TPX2: variants seen among roughly 807,000 people sequenced by gnomAD.
TPX2 encodes targeting protein for Xklp2.
In TPX2, 21 loss-of-function variants were observed where a neutral mutation model predicts 93.6. That is an observed-to-expected ratio of 0.22 (90% CI 0.16 to 0.32). TPX2 has a LOEUF of 0.32. Among genes scored for constraint, TPX2 ranks in the 10% least tolerant of loss-of-function variants. The probability of loss-of-function intolerance (pLI) is 1.00; values close to 1 mark genes in which losing one functional copy is unlikely to be tolerated. For synonymous variants in TPX2, 281 were observed against 298.3 expected, an observed-to-expected ratio of 0.94 and a Z score of 0.60; for missense variants, 776 against 871.1, an observed-to-expected ratio of 0.89 and a Z score of 1.37.
chr20:31,798,653 C>A, intron 17 of TPX2, 101 bp downstream of exon 17: 1 of 1,379,164 alleles, frequency 7.3e-7, no homozygotes, highest in Non-Finnish European at 9.6e-7. Context: ...GCCCGCAAGG[C>A]TGTACCAAAG....
At chr20:31,777,783 T>TG in intron 9 of TPX2, 145 bp downstream of exon 9, 1 of 850,128 alleles carries the variant, frequency 1.2e-6, no homozygotes, top group Non-Finnish European at 1.6e-6. Context: ...AACAGATCTT[T>TG]TTTTTTTTTT....
chr20:31,770,977 C>T (rs1488112005), intron 6 of TPX2, among the ~76,000 whole-genome samples: 1 of 148,218 alleles, frequency 6.7e-6, no homozygotes. Context: ...CTTGTTGTCT[C>T]ACTGGCACAA....
At chr20:31,799,298 G>A (rs143148367) in intron 17 of TPX2, among the ~76,000 whole-genome samples, 1 of 152,150 alleles carries the variant, frequency 6.6e-6, no homozygotes, top group Admixed American at 6.6e-5. Flanking sequence ...AAAAAGAAAG[G>A]GTCATGGGGA....
At chr20:31,772,019 CTTTTTTTTT>C (rs397866298) in intron 7 of TPX2, among the ~76,000 whole-genome samples, 1 of 125,272 alleles carries the variant, frequency 8.0e-6, no homozygotes, top group African/African-American at 3.2e-5. Context: ...GCCTGGCTAA[CTTTTTTTTT>C]TTTTTTTTTT....
At chr20:31,759,745 A>G (rs1368939785) in intron 3 of TPX2, among the ~76,000 whole-genome samples, 1 of 152,134 alleles carries the variant, frequency 6.6e-6, no homozygotes, top group Non-Finnish European at 1.5e-5. Flanking sequence ...GGGAGTAGAT[A>G]AAGCCAGTTC....
At chr20:31,758,909 G>C (rs1243309220) in intron 3 of TPX2, among the ~76,000 whole-genome samples, 1 of 151,944 alleles carries the variant, frequency 6.6e-6, no homozygotes, top group African/African-American at 2.4e-5. Flanking sequence ...AAAAAGAAAA[G>C]AAAAGATTAG....
chr20:31,761,197 ATTTTTTT>A, intron 4 of TPX2, among the ~76,000 whole-genome samples: 1 of 130,690 alleles, frequency 7.7e-6, no homozygotes, highest in South Asian at 2.4e-4. Flanking sequence ...CCTTCAATTA[ATTTTTTT>A]TTTTTTTTTT....
At chr20:31,742,843 T>C (rs895451785) in intron 2 of TPX2, among the ~76,000 whole-genome samples, 196 bp downstream of exon 2, 4 of 152,234 alleles carry the variant, frequency 2.6e-5, no homozygotes, top group African/African-American at 9.6e-5. Flanking sequence ...GATTTCTTTA[T>C]AATTTTTTTC....
intron 7 of TPX2, 94 bp downstream of exon 7, chr20:31,771,776 A>G: frequency 6.9e-7 from 1 of 1,447,618 alleles, no homozygotes; most frequent in East Asian, 2.4e-5. Context: ...GAGGTTGGCA[A>G]ACTCCTGAAG....
intron 1 of TPX2, among the ~76,000 whole-genome samples, chr20:31,741,638 C>T (rs1234903505): frequency 2.0e-5 from 3 of 152,104 alleles, no homozygotes; most frequent in Admixed American, 6.6e-5. Context: ...GCCACCACAC[C>T]CGGCTAGTTT....
Position 31,790,842 on chromosome 20 carries a change from AATAAATAAGTGCAATTAAGTTTTGTATGG to A in TPX2, c.1414-1891_1414-1863del, listed in dbSNP as rs1428949425. Among the ~76,000 whole-genome samples, 12 of 152,322 alleles carry A rather than the reference AATAAATAAGTGCAATTAAGTTTTGTATGG, an allele frequency of 7.9e-5. No homozygotes were observed. In the East Asian group the frequency reaches 2.3e-3, roughly 29 times the overall value. ...GCTAGCAGGGGGAAATGAACATCTA[AATAAATAAGTGCAATTAAGTTTTGTATGG>A]ACTGTGATAAAACCATATACAATGG... On this transcript the variant is annotated intron_variant, in intron 12 of 17. Coordinates refer to ENST00000300403, the MANE Select transcript of TPX2 (RefSeq NM_012112.5).
At chr20:31,754,182 C>T (rs2061837651) in intron 2 of TPX2, among the ~76,000 whole-genome samples, 1 of 152,046 alleles carries the variant, frequency 6.6e-6, no homozygotes, top group Non-Finnish European at 1.5e-5. Context: ...TCACTGCAGC[C>T]TCCCGGGTTG....
chr20:31,799,372 A>G (rs1370314699), intron 17 of TPX2, among the ~76,000 whole-genome samples: 1 of 152,252 alleles, frequency 6.6e-6, no homozygotes, highest in Non-Finnish European at 1.5e-5. Flanking sequence ...GAGATCTATC[A>G]TATAACAAGG....
intron 10 of TPX2, chr20:31,780,878 C>T (rs924293314): frequency 2.8e-6 from 1 of 355,328 alleles, no homozygotes; most frequent in Non-Finnish European, 5.3e-6. Context: ...TGGGAGTTTT[C>T]ACTTGGTCTT....
intron 11 of TPX2, among the ~76,000 whole-genome samples, chr20:31,782,942 C>A (rs909016245): frequency 6.7e-6 from 1 of 148,528 alleles, no homozygotes; most frequent in Non-Finnish European, 1.5e-5. Context: ...AAAATCTAAT[C>A]CAGAGGTTGC....
intron 12 of TPX2, among the ~76,000 whole-genome samples, chr20:31,788,662 G>A (rs1040112971): frequency 1.3e-5 from 2 of 152,072 alleles, no homozygotes; most frequent in Admixed American, 6.5e-5. Context: ...GGCTTGGGCA[G>A]CAGTGGGCCC....
At chr20:31,755,184 G>A (rs778229271) in intron 2 of TPX2, among the ~76,000 whole-genome samples, 9 of 152,080 alleles carry the variant, frequency 5.9e-5, no homozygotes, top group Admixed American at 5.2e-4. Flanking sequence ...TCCTGACCTC[G>A]TGATCCACCC....
chr20:31,795,568 A>G (rs1404448764), intron 15 of TPX2, among the ~76,000 whole-genome samples: 1 of 152,260 alleles, frequency 6.6e-6, no homozygotes, highest in East Asian at 1.9e-4. Flanking sequence ...CCCTGCTCCA[A>G]GTGATCACCC....
At chr20:31,795,290 C>G (rs1473310206) in intron 15 of TPX2, among the ~76,000 whole-genome samples, 1 of 152,214 alleles carries the variant, frequency 6.6e-6, no homozygotes, top group Non-Finnish European at 1.5e-5. Flanking sequence ...CGTGCCACCA[C>G]GCCCAGCTAA....
Sources: allele counts gnomAD v4.1 joint callset (sites outside exome capture counted in the v4.1 genomes callset), GRCh38; gene constraint gnomAD v4.1.1; transcripts MANE v1.5; gene names NCBI Gene and HGNC (gene_info 2026-07-23, HGNC 2026-07-21).